GRM8: variants seen among roughly 807,000 people sequenced by gnomAD.
GRM8 encodes the protein glutamate metabotropic receptor 8.
Under a neutral mutation model 87.2 loss-of-function variants are expected in GRM8, and 47 were observed. The observed-to-expected ratio is 0.54, with a 90% CI of 0.43 to 0.69. The LOEUF (loss-of-function observed/expected upper bound fraction) is 0.69, where lower values mean the gene tolerates loss of function less well. Among genes scored for constraint, GRM8 ranks in the 30% least tolerant of loss-of-function variants. The probability of loss-of-function intolerance (pLI) is 0.00; values close to 1 mark genes in which losing one functional copy is unlikely to be tolerated. For synonymous variants in GRM8, 396 were observed against 404.5 expected, an observed-to-expected ratio of 0.98 and a Z score of 0.25; for missense variants, 1,019 against 1,139.2, an observed-to-expected ratio of 0.89 and a Z score of 1.52.
intron 9 of GRM8, among the ~76,000 whole-genome samples, chr7:126,517,020 G>A (rs573735918): frequency 6.6e-6 from 1 of 151,976 alleles, no homozygotes; most frequent in South Asian, 2.1e-4. Flanking sequence ...TCATATTACG[G>A]TCATAAAAAT....
intron 8 of GRM8, among the ~76,000 whole-genome samples, chr7:126,599,504 T>C (rs971047196): frequency 4.6e-5 from 7 of 152,130 alleles, no homozygotes; most frequent in African/African-American, 1.7e-4. Flanking sequence ...ATACTAATCA[T>C]TGAAGACATA....
chr7:126,847,700 GA>G (rs1796832963), intron 6 of GRM8, among the ~76,000 whole-genome samples: 1 of 152,190 alleles, frequency 6.6e-6, no homozygotes, highest in South Asian at 2.1e-4. Flanking sequence ...AGAATCAGGT[GA>G]AAGCCATACT....
At chr7:127,212,097 G>A (rs140548348) in intron 2 of GRM8, among the ~76,000 whole-genome samples, 58 of 152,226 alleles carry the variant, frequency 3.8e-4, no homozygotes, top group African/African-American at 1.3e-3. Flanking sequence ...TTTTTGGACC[G>A]GCAGAGCCAG....
Position 127,095,207 on chromosome 7 carries a change from G to T in GRM8, c.727+11289C>A, listed in dbSNP as rs148992376. 3.6e-3 allele frequency among the ~76,000 whole-genome samples: 547 copies of T among 152,304 alleles called. 4 individuals are homozygous for T. The highest frequency in any genetic ancestry group is 0.013 in the African/African-American group (524 of 41,554). On this transcript the variant is annotated intron_variant, in intron 3 of 10. Transcript: ENST00000339582. ...TCTGGTGGGACATCACTGTGAGTTT[G>T]CAGTGACAGAGAGGGGCTCAGGGTT...
Position 126,722,984 on chromosome 7 carries a change from TTATATATAATTTA to T in GRM8, c.1357+46868_1357+46880del, listed in dbSNP as rs1380720976. Among the ~76,000 whole-genome samples, 6 of 143,688 alleles carry T rather than the reference TTATATATAATTTA, an allele frequency of 4.2e-5. No homozygotes were observed. In the East Asian group the frequency reaches 7.8e-4, roughly 19 times the overall value. The allele number at this position is 143,688 out of a possible 152,430, so 94.3% of individuals were successfully genotyped here. ...TATGTAAATATATAATTTACATATA[TTATATATAATTTA>T]TATATATAATTTACATATATATAAA... On this transcript the variant is annotated intron_variant, in intron 7 of 10. Coordinates refer to ENST00000339582, the MANE Select transcript of GRM8 (RefSeq NM_000845.3).
chr7:126,490,854 GT>G (rs1210252873), intron 9 of GRM8, among the ~76,000 whole-genome samples: 3 of 152,058 alleles, frequency 2.0e-5, no homozygotes, highest in Non-Finnish European at 4.4e-5. Context: ...AATAATCCTA[GT>G]AGCCTCCCAT....
At chr7:126,719,112 G>A (rs1812086603) in intron 7 of GRM8, among the ~76,000 whole-genome samples, 2 of 152,120 alleles carry the variant, frequency 1.3e-5, no homozygotes, top group African/African-American at 4.8e-5. Flanking sequence ...TTAAAGCTCT[G>A]TGAACTCCAG....
In GRM8 at chr7:126,642,496, C is replaced by T. The variant is rs183638050; in HGVS notation, c.1358-32998G>A. Among the ~76,000 whole-genome samples, 469 of 152,058 alleles carry T rather than the reference C, an allele frequency of 3.1e-3. 3 individuals carry two copies. Among genetic ancestry groups the T allele is most frequent in the Non-Finnish European group, 4.4e-3 (300 of 67,974 alleles). ...TACTAAAAATACCAAAAACATTAGC[C>T]GGGAGTGCTGGCGGACGCCTGTAGT... On this transcript the variant is annotated intron_variant, in intron 7 of 10. Transcript: ENST00000339582.
At chr7:126,895,137 T>C (rs1392164209) in intron 6 of GRM8, among the ~76,000 whole-genome samples, 1 of 152,038 alleles carries the variant, frequency 6.6e-6, no homozygotes, top group African/African-American at 2.4e-5. Context: ...CACACATATA[T>C]ACATATTACT....
intron 3 of GRM8, among the ~76,000 whole-genome samples, chr7:127,020,224 G>C (rs973152350): frequency 6.6e-6 from 1 of 152,050 alleles, no homozygotes; most frequent in Non-Finnish European, 1.5e-5. Context: ...ACAAAGCTAT[G>C]CTAGAAAAGA....
At chr7:126,466,097 T>C (rs915310317) in intron 9 of GRM8, among the ~76,000 whole-genome samples, 1 of 151,966 alleles carries the variant, frequency 6.6e-6, no homozygotes, top group African/African-American at 2.4e-5. Context: ...AGTCTTCCTG[T>C]CAATAAGTGT....
At chr7:126,659,364 A>C (rs934939388) in intron 7 of GRM8, among the ~76,000 whole-genome samples, 1 of 152,192 alleles carries the variant, frequency 6.6e-6, no homozygotes, top group Non-Finnish European at 1.5e-5. Context: ...AAATAACTAG[A>C]AAAGGGAAGT....
chr7:126,753,208 C>G (rs1167882207), intron 7 of GRM8, among the ~76,000 whole-genome samples: 1 of 151,894 alleles, frequency 6.6e-6, no homozygotes, highest in African/African-American at 2.4e-5. Context: ...AAGCATATAT[C>G]TAGTTCACCT....
intron 2 of GRM8, among the ~76,000 whole-genome samples, chr7:127,122,469 T>TA (rs1827139803): frequency 1.5e-5 from 2 of 130,746 alleles, no homozygotes; most frequent in Non-Finnish European, 3.0e-5. Context: ...GGCTTTCTAT[T>TA]TAAAAAAAAA....
chr7:127,074,998 T>C (rs1822112496), intron 3 of GRM8, among the ~76,000 whole-genome samples: 2 of 152,226 alleles, frequency 1.3e-5, no homozygotes, highest in African/African-American at 2.4e-5. Flanking sequence ...CCTTTGTGTA[T>C]TCTTGAAACT....
intron 2 of GRM8, among the ~76,000 whole-genome samples, chr7:127,220,472 A>G (rs1796849049): frequency 6.6e-6 from 1 of 152,220 alleles, no homozygotes; most frequent in Non-Finnish European, 1.5e-5. Flanking sequence ...GATGCTGAAC[A>G]CATTCTTTTA....
intron 9 of GRM8, among the ~76,000 whole-genome samples, chr7:126,471,901 C>G (rs1805307929): frequency 6.6e-6 from 1 of 152,086 alleles, no homozygotes; most frequent in Non-Finnish European, 1.5e-5. Flanking sequence ...TGAAGAGGTC[C>G]TTCACGTCCC....
intron 2 of GRM8, among the ~76,000 whole-genome samples, chr7:127,152,919 C>G (rs1792487171): frequency 6.6e-6 from 1 of 152,140 alleles, no homozygotes; most frequent in Admixed American, 6.6e-5. Context: ...AAATCATAGG[C>G]ATTCCATTTG....
At chr7:126,930,789 G>A (rs537370827) in intron 3 of GRM8, among the ~76,000 whole-genome samples, 1 of 152,300 alleles carries the variant, frequency 6.6e-6, no homozygotes. Context: ...AATTCTTGGA[G>A]ACCGCTACTT....
Sources: gnomAD v4.1 joint callset for allele counts (sites outside exome capture counted in the v4.1 genomes callset) on GRCh38, gnomAD v4.1.1 for gene constraint, MANE v1.5 for transcripts, NCBI Gene and HGNC (gene_info 2026-07-23, HGNC 2026-07-21) for gene names.